The following GHR variants were observed in gnomAD, a reference collection of about 807,000 sequenced individuals.
GHR encodes the protein GH receptor.
GHR carries 35 observed loss-of-function variants against 67.1 expected under a neutral mutation model. The observed-to-expected ratio is 0.52, with a 90% confidence interval of 0.40 to 0.69. The LOEUF (loss-of-function observed/expected upper bound fraction) is 0.69. Among genes scored for constraint, GHR ranks in the 30% least tolerant of loss-of-function variants. GHR has a pLI of 0.00. For synonymous variants in GHR, 272 were observed against 269.1 expected (o/e 1.01, Z -0.10); for missense variants, 792 against 764.6 (o/e 1.04, Z -0.42).
intron 2 of GHR, among the ~76,000 whole-genome samples, chr5:42,609,742 G>C (rs1561165150): frequency 6.6e-6 from 1 of 152,174 alleles, no homozygotes; most frequent in Non-Finnish European, 1.5e-5. Context: ...GCTTTATTGT[G>C]AACTGGGTCA....
At chr5:42,609,287 C>A (rs979589662) in intron 2 of GHR, among the ~76,000 whole-genome samples, 10 of 152,092 alleles carry the variant, frequency 6.6e-5, no homozygotes, top group African/African-American at 1.9e-4. Context: ...GGGACAGGTG[C>A]CAATGGCTGA....
In GHR at chr5:42,625,776, C is replaced by T. The variant is rs7700564; in HGVS notation, c.71-3262C>T. On this transcript the variant is annotated intron_variant, in intron 2 of 9. Coordinates refer to ENST00000230882, the MANE Select transcript of GHR (RefSeq NM_000163.5). ...GATATGTTTCTTATTGGACCTAAAACTGTGCCTGGCTCTTAGTTGATTACT... is the reference window on the plus strand; with the variant it reads ...GATATGTTTCTTATTGGACCTAAAATTGTGCCTGGCTCTTAGTTGATTACT... Among the ~76,000 whole-genome samples the T allele has an allele frequency of 1.6e-3, 223 of 138,108 alleles. 1 individual carries two copies. Among genetic ancestry groups the T allele is most frequent in the African/African-American group, 5.1e-3 (209 of 40,592 alleles). 90.6% of individuals were successfully genotyped at this position (138,108 alleles called of 152,430 possible).
chr5:42,544,324 G>A (rs943598686), intron 1 of GHR, among the ~76,000 whole-genome samples: 2 of 152,102 alleles, frequency 1.3e-5, no homozygotes, highest in African/African-American at 4.8e-5. Context: ...TAAAACAATG[G>A]CAGATCATTT....
At chr5:42,694,574 T>A (rs922638403) in intron 4 of GHR, among the ~76,000 whole-genome samples, 1 of 152,204 alleles carries the variant, frequency 6.6e-6, no homozygotes, top group African/African-American at 2.4e-5. Flanking sequence ...ACTGTTTTAA[T>A]GAACATTTTT....
chr5:42,627,706 T>C (rs1349792319), intron 2 of GHR, among the ~76,000 whole-genome samples: 2 of 152,210 alleles, frequency 1.3e-5, no homozygotes, highest in Non-Finnish European at 2.9e-5. Context: ...CTTGGCCCCT[T>C]GGCCCCTTAG....
At chr5:42,444,584 A>AT (rs1743727796) in intron 1 of GHR, among the ~76,000 whole-genome samples, 2 of 152,222 alleles carry the variant, frequency 1.3e-5, no homozygotes, top group South Asian at 4.1e-4. Flanking sequence ...CTGGGGACTG[A>AT]TTTTCAGATT....
At chr5:42,474,285 A>AAGAAAGAAAGAAAGAAAG (rs1257674662) in intron 1 of GHR, among the ~76,000 whole-genome samples, 1 of 28,140 alleles carries the variant, frequency 3.6e-5, no homozygotes, top group African/African-American at 1.2e-4. Flanking sequence ...GAAAGAAAGA[A>AAGAAAGAAAGAAAGAAAG]AAAGAGAAAG....
rs77811613 is a variant in GHR, at chr5:42,641,594, C to A, written c.136+12491C>A. Among the ~76,000 whole-genome samples, 1,045 of 152,262 alleles carry A rather than the reference C, an allele frequency of 6.9e-3. 54 individuals are homozygous for A. The East Asian group carries it at 0.13, about 19-fold the overall frequency. Reference sequence around the variant, plus strand: ...AAGGGAGGGAAGGGAATATTTCCCACACTATCTCATCCTGCCCTCACTATC... The same window carrying A: ...AAGGGAGGGAAGGGAATATTTCCCAAACTATCTCATCCTGCCCTCACTATC... On this transcript the variant is annotated intron_variant, in intron 3 of 9. Coordinates refer to ENST00000230882, the MANE Select transcript of GHR (RefSeq NM_000163.5).
chr5:42,588,734 G>A, intron 2 of GHR, among the ~76,000 whole-genome samples: 1 of 151,872 alleles, frequency 6.6e-6, no homozygotes, highest in Admixed American at 6.6e-5. Flanking sequence ...CCATGTGTTT[G>A]ATAAATCCAT....
intron 1 of GHR, chr5:42,466,921 A>T: frequency 6.6e-7 from 1 of 1,516,976 alleles, no homozygotes; most frequent in South Asian, 1.3e-5. Flanking sequence ...GTGTCGCATG[A>T]GGTGTGAGTT....
intron 1 of GHR, among the ~76,000 whole-genome samples, chr5:42,504,888 C>G (rs1270534101): frequency 2.6e-5 from 4 of 152,350 alleles, no homozygotes; most frequent in Admixed American, 6.5e-5. Context: ...TTCATTATCT[C>G]AAGAGGGGCT....
chr5:42,662,262 A>G (rs959566341), intron 3 of GHR, among the ~76,000 whole-genome samples: 2 of 152,192 alleles, frequency 1.3e-5, no homozygotes, highest in African/African-American at 4.8e-5. Context: ...GACTTAATAG[A>G]CATCTACAGA....
intron 2 of GHR, among the ~76,000 whole-genome samples, chr5:42,576,099 TAAATAAAATA>T (rs1554021413): frequency 1.0e-3 from 72 of 69,196 alleles, no homozygotes; most frequent in Admixed American, 1.1e-3. Flanking sequence ...TAAAATAAAA[TAAATAAAATA>T]AAATAAAATA....
intron 3 of GHR, among the ~76,000 whole-genome samples, chr5:42,680,955 T>C (rs1756835094): frequency 6.6e-6 from 1 of 152,094 alleles, no homozygotes; most frequent in Non-Finnish European, 1.5e-5. Context: ...CCATTAAAAA[T>C]TAATTCAAGA....
chr5:42,504,033 A>G (rs986911033), intron 1 of GHR, among the ~76,000 whole-genome samples: 6 of 152,236 alleles, frequency 3.9e-5, no homozygotes, highest in Admixed American at 3.3e-4. Flanking sequence ...TGGGTCTGCA[A>G]ATTTCTTACA....
At chr5:42,679,035 A>C (rs1561221078) in intron 3 of GHR, among the ~76,000 whole-genome samples, 1 of 146,130 alleles carries the variant, frequency 6.8e-6, no homozygotes, top group Non-Finnish European at 1.5e-5. Flanking sequence ...ACTTATATTA[A>C]TTTATATTAA....
chr5:42,622,359 A>C (rs1360979521), intron 2 of GHR, among the ~76,000 whole-genome samples: 1 of 152,224 alleles, frequency 6.6e-6, no homozygotes, highest in Non-Finnish European at 1.5e-5. Flanking sequence ...GGGAAACCCT[A>C]GAGGCAGAGC....
chr5:42,719,743 G>T lies in GHR; in HGVS notation c.*319G>T, dbSNP rs536365989. 4.4e-5 allele frequency: 15 copies of T among 342,594 alleles called. No individual in the cohort carries two copies. In the Admixed American group the frequency reaches 4.5e-4, roughly 10 times the overall value. 21.2% of individuals were successfully genotyped at this position (342,594 alleles called of 1,614,324 possible). A position where few individuals can be genotyped will look rare whatever the true frequency, so the allele number is the denominator to read the frequency against. ...TGAATGGCTATGTTTTTAATGTATAGTAAATCACGCTTTTTGAAAAAGCGA... is the reference window on the plus strand; with the variant it reads ...TGAATGGCTATGTTTTTAATGTATATTAAATCACGCTTTTTGAAAAAGCGA... On this transcript the variant is annotated 3_prime_UTR_variant, in exon 10 of 10. Coordinates refer to ENST00000230882, the MANE Select transcript of GHR (RefSeq NM_000163.5).
intron 1 of GHR, among the ~76,000 whole-genome samples, chr5:42,543,242 A>G (rs1040184028): frequency 6.6e-6 from 1 of 152,180 alleles, no homozygotes; most frequent in African/African-American, 2.4e-5. Flanking sequence ...ACTAATTGAC[A>G]TCACTACCAG....
Sources: gnomAD v4.1 joint callset for allele counts (sites outside exome capture counted in the v4.1 genomes callset) on GRCh38, gnomAD v4.1.1 for gene constraint, MANE v1.5 for transcripts, NCBI Gene and HGNC (gene_info 2026-07-23, HGNC 2026-07-21) for gene names.